The following NBAS variants were observed in gnomAD, a reference collection of about 807,000 sequenced individuals.
NBAS encodes NBAS subunit of NRZ tethering complex.
A neutral mutation model predicts 302.5 loss-of-function variants in NBAS; 219 were observed. The ratio of observed to expected loss-of-function variants is 0.72; its 90% CI spans 0.65 to 0.81. The LOEUF is 0.81. Ranked by LOEUF, NBAS falls within the 30% of genes least tolerant of loss-of-function variation. NBAS has a pLI of 0.00. For missense variants in NBAS, 2,932 were observed against 2,841.6 expected (o/e 1.03, Z -0.72); for synonymous variants, 1,118 against 1,021.6 (o/e 1.09, Z -1.80).
intron 35 of NBAS, among the ~76,000 whole-genome samples, chr2:15,345,091 C>T (rs1673027432): frequency 6.6e-6 from 1 of 152,144 alleles, no homozygotes; most frequent in South Asian, 2.1e-4. Context: ...TCTTTGAAAA[C>T]TGGTACAAGA....
intron 35 of NBAS, among the ~76,000 whole-genome samples, chr2:15,343,760 A>G (rs1436534583): frequency 6.6e-6 from 1 of 151,972 alleles, no homozygotes; most frequent in East Asian, 1.9e-4. Flanking sequence ...AAACTTTCAG[A>G]AAAAAAGCAC....
At chr2:15,556,207 A>C (rs1324777786) in intron 3 of NBAS, among the ~76,000 whole-genome samples, 3 of 152,204 alleles carry the variant, frequency 2.0e-5, no homozygotes, top group Non-Finnish European at 2.9e-5. Context: ...TTACGACAAG[A>C]TATCCTCAAC....
At chr2:15,384,989 A>T (rs1199014210) in intron 28 of NBAS, among the ~76,000 whole-genome samples, 1 of 91,050 alleles carries the variant, frequency 1.1e-5, no homozygotes, top group African/African-American at 3.6e-5. Flanking sequence ...TTACAGCAAA[A>T]AATATAGTCT....
the NBAS span, among the ~76,000 whole-genome samples, chr2:14,938,116 A>C: frequency 6.6e-6 from 1 of 151,838 alleles, no homozygotes; most frequent in Non-Finnish European, 1.5e-5. Context: ...TGACAGCGAG[A>C]CTCCATCTCA....
intron 1 of NBAS, among the ~76,000 whole-genome samples, chr2:15,560,853 C>T (rs1177191051): frequency 6.6e-6 from 1 of 152,090 alleles, no homozygotes; most frequent in African/African-American, 2.4e-5. Context: ...TGTGCCTTCC[C>T]CTCCTAATAC....
intron 11 of NBAS, among the ~76,000 whole-genome samples, chr2:15,489,228 T>C (rs1287318745): frequency 6.6e-6 from 1 of 152,204 alleles, no homozygotes; most frequent in Non-Finnish European, 1.5e-5. Context: ...TTCAGAGTTA[T>C]AATTTACATA....
the NBAS span, among the ~76,000 whole-genome samples, chr2:14,914,961 A>G: frequency 3.9e-5 from 6 of 152,194 alleles, no homozygotes; most frequent in South Asian, 4.1e-4. Context: ...CTTTCTGTTT[A>G]TATACTCCCT....
the NBAS span, among the ~76,000 whole-genome samples, chr2:14,967,550 C>T: frequency 6.6e-6 from 1 of 152,046 alleles, no homozygotes; most frequent in East Asian, 1.9e-4. Context: ...TATTCACATG[C>T]AAAAATTAAC....
chr2:15,345,138 G>A (rs1673031750), intron 35 of NBAS, among the ~76,000 whole-genome samples: 1 of 152,120 alleles, frequency 6.6e-6, no homozygotes, highest in Non-Finnish European at 1.5e-5. Flanking sequence ...ATTCAACATA[G>A]TACTGGCAGT....
chr2:15,185,172 A>G (rs565171732), intron 50 of NBAS, among the ~76,000 whole-genome samples: 1 of 152,324 alleles, frequency 6.6e-6, no homozygotes, highest in South Asian at 2.1e-4. Context: ...AAGCAGGAGC[A>G]AGACCATTGA....
At chr2:14,795,278 C>T in the NBAS span, among the ~76,000 whole-genome samples, 5 of 152,106 alleles carry the variant, frequency 3.3e-5, no homozygotes, top group Admixed American at 1.3e-4. Context: ...TATCGTCAGT[C>T]TTTTAGACAT....
At chr2:15,268,698 G>C (rs796106664) in intron 44 of NBAS, among the ~76,000 whole-genome samples, 7 of 152,260 alleles carry the variant, frequency 4.6e-5, no homozygotes, top group African/African-American at 1.7e-4. Flanking sequence ...AAGATTGAGT[G>C]CAGGGAGTAG....
the NBAS span, among the ~76,000 whole-genome samples, chr2:15,099,855 T>C: frequency 1.3e-5 from 2 of 152,152 alleles, no homozygotes; most frequent in Non-Finnish European, 2.9e-5. Context: ...ATAGCTACAA[T>C]ATGGCAAAAT....
At chr2:15,303,357 A>G (rs997657170) in intron 40 of NBAS, among the ~76,000 whole-genome samples, 1 of 152,210 alleles carries the variant, frequency 6.6e-6, no homozygotes, top group African/African-American at 2.4e-5. Flanking sequence ...GTCAAGCTCT[A>G]TGTCCTTTAG....
At chr2:14,796,892 G>A in the NBAS span, among the ~76,000 whole-genome samples, 1 of 136,376 alleles carries the variant, frequency 7.3e-6, no homozygotes, top group African/African-American at 2.9e-5. Context: ...GGCTAACACG[G>A]TGAAACCCCG....
chr2:15,189,109 T>C (rs1665222479), intron 49 of NBAS, among the ~76,000 whole-genome samples: 1 of 152,206 alleles, frequency 6.6e-6, no homozygotes, highest in Non-Finnish European at 1.5e-5. Context: ...ACAAGTGCAC[T>C]GTGAACTAAA....
At chr2:14,921,999 A>C in the NBAS span, among the ~76,000 whole-genome samples, 1 of 152,194 alleles carries the variant, frequency 6.6e-6, no homozygotes, top group Non-Finnish European at 1.5e-5. Context: ...ACATGCCAGG[A>C]ACCCAAGGAG....
chr2:15,558,667 A>C (rs1664762816), intron 1 of NBAS, 33 bp from the exon 2 acceptor site: 1 of 1,512,568 alleles, frequency 6.6e-7, no homozygotes, highest in Non-Finnish European at 9.2e-7. Flanking sequence ...CTTACATTTG[A>C]ATCTTCTAGT....
chr2:15,180,938 T>C (rs1664790027), intron 50 of NBAS, among the ~76,000 whole-genome samples: 1 of 152,174 alleles, frequency 6.6e-6, no homozygotes, highest in South Asian at 2.1e-4. Context: ...AGAAAAACTA[T>C]ACTTCCTCCG....
Sources: allele counts gnomAD v4.1 joint callset (sites outside exome capture counted in the v4.1 genomes callset), GRCh38; gene constraint gnomAD v4.1.1; transcripts MANE v1.5; gene names NCBI Gene and HGNC (gene_info 2026-07-23, HGNC 2026-07-21).